Variants in CACNA1C observed in about 807,000 individuals in gnomAD.
CACNA1C encodes voltage-dependent L-type calcium channel subunit alpha-1C.
Under a neutral mutation model 229.0 loss-of-function variants are expected in CACNA1C, and 30 were observed. The ratio of observed to expected loss-of-function variants is 0.13; its 90% confidence interval spans 0.10 to 0.18. The LOEUF (loss-of-function observed/expected upper bound fraction) is 0.18. Ranked by LOEUF, CACNA1C falls within the 10% of genes least tolerant of loss-of-function variation. The pLI, the probability that CACNA1C is intolerant of heterozygous loss-of-function variation, is 1.00. For synonymous variants in CACNA1C, 1,114 were observed against 1,132.5 expected (o/e 0.98, Z 0.33); for missense variants, 1,658 against 2,845.0 (o/e 0.58, Z 9.49).
At chr12:2,021,217 A>T (rs2470441) in intron 1 of CACNA1C, among the ~76,000 whole-genome samples, 1,884 of 152,278 alleles carry the variant, frequency 0.012, 48 homozygotes, top group African/African-American at 0.043. Flanking sequence ...TTTTTATCTT[A>T]CAGTTGAGGA....
intron 3 of CACNA1C, among the ~76,000 whole-genome samples, chr12:2,248,393 A>G (rs2074220842): frequency 6.6e-6 from 1 of 152,172 alleles, no homozygotes; most frequent in African/African-American, 2.4e-5. Context: ...GACCCACGGG[A>G]TCATCCCTTT....
At chr12:2,038,528 A>G (rs1414959241) in intron 1 of CACNA1C, among the ~76,000 whole-genome samples, 1 of 152,152 alleles carries the variant, frequency 6.6e-6, no homozygotes, top group Non-Finnish European at 1.5e-5. Flanking sequence ...TTATTTTGCT[A>G]TGTTTGGCCA....
rs766975739 is a variant in CACNA1C, at chr12:2,677,718, C to T, written c.4957-15C>T. 3.6e-5 allele frequency: 58 copies of T among 1,611,082 alleles called. No individual in the cohort carries two copies. In the African/African-American group the frequency reaches 7.3e-4, roughly 20 times the overall value. The stretch of plus-strand genomic sequence containing the variant: ...AAGGGAGCGTGGTCCTCACCATCCT[C>T]CCCTTGGATTCCAGGCTGGCTTGCG... On this transcript the variant is annotated splice_polypyrimidine_tract_variant and intron_variant, in intron 40 of 46. Coordinates refer to ENST00000399655, the MANE Select transcript of CACNA1C (RefSeq NM_000719.7). This position sits in a 1 kb window ranked among gnomAD's most constrained non-coding sequence, Gnocchi z 7.4.
chr12:2,022,727 G>A (rs1317372803), intron 1 of CACNA1C, among the ~76,000 whole-genome samples: 1 of 152,164 alleles, frequency 6.6e-6, no homozygotes, highest in Non-Finnish European at 1.5e-5. Context: ...TTACAGGCAT[G>A]AGCCACGTCA....
At chr12:2,237,833 G>A (rs1010025996) in intron 3 of CACNA1C, among the ~76,000 whole-genome samples, 2 of 152,166 alleles carry the variant, frequency 1.3e-5, no homozygotes, top group Admixed American at 6.5e-5. Flanking sequence ...AGCATCCTTC[G>A]ATAGAACATT....
rs1345727368 is a variant in CACNA1C, at chr12:2,601,615, G to A, written c.2854-239G>A. 6.6e-6 allele frequency among the ~76,000 whole-genome samples: 1 copy of A among 152,208 alleles called. No homozygotes were observed. Among genetic ancestry groups the A allele is most frequent in the East Asian group, 1.9e-4 (1 of 5,178 alleles). ...AATGGAGGACTAAAGAGCCTGGCTTGGCCTGGCAGGTGCAAGGAGCCACCC... is the reference window on the plus strand; with the variant it reads ...AATGGAGGACTAAAGAGCCTGGCTTAGCCTGGCAGGTGCAAGGAGCCACCC... On this transcript the variant is annotated intron_variant, in intron 21 of 46. Coordinates refer to ENST00000399655, the MANE Select transcript of CACNA1C (RefSeq NM_000719.7). The surrounding 1 kb of genome is among the most constrained non-coding windows in gnomAD (Gnocchi z 5.9).
At chr12:2,519,711 G>A (rs2099805824) in intron 9 of CACNA1C, among the ~76,000 whole-genome samples, 1 of 152,212 alleles carries the variant, frequency 6.6e-6, no homozygotes, top group African/African-American at 2.4e-5. Flanking sequence ...TGAAACCACT[G>A]ATGGATATTT....
intron 3 of CACNA1C, among the ~76,000 whole-genome samples, chr12:2,175,588 T>C (rs1458576067): frequency 6.6e-6 from 1 of 152,206 alleles, no homozygotes; most frequent in Admixed American, 6.5e-5. Context: ...GCCTCATCCT[T>C]CATCTATTAC....
intron 29 of CACNA1C, among the ~76,000 whole-genome samples, chr12:2,618,761 G>A (rs916000749): frequency 4.6e-5 from 7 of 152,250 alleles, no homozygotes; most frequent in African/African-American, 1.7e-4. Flanking sequence ...CCAGGAGAAG[G>A]AAGGGGAAGT....
chr12:2,483,696 C>T (rs1051413288), intron 5 of CACNA1C, among the ~76,000 whole-genome samples: 9 of 152,114 alleles, frequency 5.9e-5, no homozygotes, highest in Non-Finnish European at 7.4e-5. Flanking sequence ...GGTCTGGGTG[C>T]TCAGGTGAGT....
Position 2,677,685 on chromosome 12 carries a change from T to G in CACNA1C, c.4957-48T>G, listed in dbSNP as rs374986250. 5.7e-6 allele frequency: 9 copies of G among 1,579,652 alleles called. No homozygotes were observed. The highest frequency in any genetic ancestry group is 7.7e-6 in the Non-Finnish European group (9 of 1,165,328). On this transcript the variant is annotated intron_variant, in intron 40 of 46. Coordinates refer to ENST00000399655, the MANE Select transcript of CACNA1C (RefSeq NM_000719.7). The surrounding 1 kb of genome is among the most constrained non-coding windows in gnomAD (Gnocchi z 7.4). ...CCGAGGCTGTGGCTGGCTGGGGAGC[T>G]TGGAGGAAAGGGAGCGTGGTCCTCA...
chr12:2,593,795 G>A (rs2066692416), intron 19 of CACNA1C, among the ~76,000 whole-genome samples: 1 of 152,114 alleles, frequency 6.6e-6, no homozygotes, highest in African/African-American at 2.4e-5. Context: ...CTGTGTGTTT[G>A]GATATATGTA....
intron 3 of CACNA1C, among the ~76,000 whole-genome samples, chr12:2,240,419 T>C (rs912297333): frequency 2.0e-5 from 3 of 152,220 alleles, no homozygotes; most frequent in Non-Finnish European, 4.4e-5. Context: ...CAATCTTCTG[T>C]TGGGGTCTGT....
intron 3 of CACNA1C, among the ~76,000 whole-genome samples, chr12:2,394,499 G>GGA (rs2098538935): frequency 6.6e-6 from 1 of 152,150 alleles, no homozygotes; most frequent in Non-Finnish European, 1.5e-5. Flanking sequence ...CCTGCTGTCT[G>GGA]GAGAGAATGG....
At position 2,666,377 on chromosome 12, in the gene CACNA1C, C is replaced by A. The variant is rs912909130; in HGVS notation, c.4527-309C>A. 1.3e-5 allele frequency among the ~76,000 whole-genome samples: 2 copies of A among 152,164 alleles called. No homozygotes were observed. Among genetic ancestry groups the A allele is most frequent in the South Asian group, 2.1e-4 (1 of 4,820 alleles). ...TGACCCTCAGTAAATACCTTTTGGT[C>A]AGAAGGTTAGTTCATTCAATCAGCA... is the stretch of plus-strand genomic sequence containing the variant. On this transcript the variant is annotated intron_variant, in intron 36 of 46. Coordinates refer to ENST00000399655, the MANE Select transcript of CACNA1C (RefSeq NM_000719.7). This position sits in a 1 kb window ranked among gnomAD's most constrained non-coding sequence, Gnocchi z 5.3.
At chr12:2,159,178 T>G (rs113768700) in intron 3 of CACNA1C, among the ~76,000 whole-genome samples, 12 of 152,118 alleles carry the variant, frequency 7.9e-5, no homozygotes, top group African/African-American at 2.4e-4. Context: ...AATGAACCTT[T>G]TAGAACAAAT....
At chr12:2,377,456 C>G (rs770853864) in intron 3 of CACNA1C, among the ~76,000 whole-genome samples, 9 of 152,184 alleles carry the variant, frequency 5.9e-5, no homozygotes, top group Non-Finnish European at 8.8e-5. Context: ...ACCGACCAGC[C>G]TAGCCTTACA....
In CACNA1C at chr12:2,574,579, C is replaced by T. The variant is rs116356217; in HGVS notation, c.1895+6785C>T. Among the ~76,000 whole-genome samples, 996 of 152,314 alleles carry T rather than the reference C, an allele frequency of 6.5e-3. 12 individuals are homozygous for T. Among genetic ancestry groups the T allele is most frequent in the African/African-American group, 0.023 (947 of 41,568 alleles). ...CTGATTCAGCACAGACAGATTGGCTCATAAATCTTGGCCACATATGGGCCC... is the reference window on the plus strand; with the variant it reads ...CTGATTCAGCACAGACAGATTGGCTTATAAATCTTGGCCACATATGGGCCC... On this transcript the variant is annotated intron_variant, in intron 13 of 46. Transcript: ENST00000399655.
At chr12:2,544,509 A>G (rs1057034960) in intron 9 of CACNA1C, among the ~76,000 whole-genome samples, 1 of 152,238 alleles carries the variant, frequency 6.6e-6, no homozygotes, top group Non-Finnish European at 1.5e-5. Context: ...AGGTTGGTGC[A>G]AAAGAAATTG....
Sources: gnomAD v4.1 joint callset for allele counts (sites outside exome capture counted in the v4.1 genomes callset) on GRCh38, gnomAD v4.1.1 for gene constraint, Gnocchi (gnomAD v3.1) non-coding constraint, MANE v1.5 for transcripts, NCBI Gene and HGNC (gene_info 2026-07-23, HGNC 2026-07-21) for gene names.